Variants in MGAT4C observed in about 807,000 individuals in gnomAD.
MGAT4C encodes alpha-1,3-mannosyl-glycoprotein 4-beta-N-acetylglucosaminyltransferase C.
MGAT4C carries 19 observed loss-of-function variants against 40.1 expected under a neutral mutation model. The ratio of observed to expected loss-of-function variants is 0.47; its 90% CI spans 0.33 to 0.70. The LOEUF (loss-of-function observed/expected upper bound fraction) is 0.70, where lower values mean the gene tolerates loss of function less well. MGAT4C is among the 30% of genes least tolerant of loss of function. MGAT4C has a pLI of 0.02. For synonymous variants in MGAT4C, 181 were observed against 187.1 expected (o/e 0.97, Z 0.27); for missense variants, 491 against 563.2 (o/e 0.87, Z 1.30).
At chr12:86,551,605 C>T (rs529665174) in intron 2 of MGAT4C, among the ~76,000 whole-genome samples, 13 of 152,242 alleles carry the variant, frequency 8.5e-5, no homozygotes, top group African/African-American at 1.9e-4. Context: ...CAGACATGCA[C>T]GCAGGCCAGC....
At chr12:86,583,596 A>G (rs2136436575) in intron 2 of MGAT4C, among the ~76,000 whole-genome samples, 1 of 151,250 alleles carries the variant, frequency 6.6e-6, no homozygotes, top group African/African-American at 2.4e-5. Context: ...AAATGGTACC[A>G]CAAAGTTTAA....
At chr12:86,668,864 C>T (rs1216979517) in intron 2 of MGAT4C, among the ~76,000 whole-genome samples, 2 of 152,172 alleles carry the variant, frequency 1.3e-5, no homozygotes, top group African/African-American at 4.8e-5. Context: ...CAAGGCTGCT[C>T]CCCTTAGACT....
intron 2 of MGAT4C, among the ~76,000 whole-genome samples, chr12:86,705,546 T>A (rs1408680485): frequency 6.6e-6 from 1 of 151,988 alleles, no homozygotes; most frequent in African/African-American, 2.4e-5. Context: ...AAGAAAATAT[T>A]ATGAAAAGCA....
intron 1 of MGAT4C, among the ~76,000 whole-genome samples, chr12:86,151,398 G>A (rs1379845755): frequency 1.3e-5 from 2 of 152,016 alleles, no homozygotes; most frequent in African/African-American, 2.4e-5. Context: ...GGATCACGAC[G>A]TCAGGAGATC....
intron 1 of MGAT4C, among the ~76,000 whole-genome samples, chr12:86,157,714 T>C (rs980805397): frequency 6.6e-6 from 1 of 152,020 alleles, no homozygotes; most frequent in Non-Finnish European, 1.5e-5. Flanking sequence ...GAAAGACACA[T>C]CTTACATGGT....
chr12:86,181,703 C>T (rs1416516002), intron 1 of MGAT4C, among the ~76,000 whole-genome samples: 4 of 151,888 alleles, frequency 2.6e-5, no homozygotes, highest in South Asian at 4.1e-4. Context: ...ACAAAGAAAT[C>T]GATTGTGGAA....
At chr12:86,017,825 ATC>A (rs1889249867) in intron 2 of MGAT4C, among the ~76,000 whole-genome samples, 2 of 152,184 alleles carry the variant, frequency 1.3e-5, no homozygotes, top group Admixed American at 1.3e-4. Context: ...AACACAATGA[ATC>A]TCTATTATTT....
At chr12:86,808,623 C>T (rs1952409377) in intron 1 of MGAT4C, among the ~76,000 whole-genome samples, 1 of 151,906 alleles carries the variant, frequency 6.6e-6, no homozygotes, top group Non-Finnish European at 1.5e-5. Context: ...ATTTAAGAAA[C>T]ATACCTCAAT....
intron 2 of MGAT4C, among the ~76,000 whole-genome samples, chr12:86,459,251 A>T (rs1957555839): frequency 6.6e-6 from 1 of 152,166 alleles, no homozygotes; most frequent in Non-Finnish European, 1.5e-5. Context: ...TCCTGGTGTG[A>T]CACACTGTAT....
chr12:86,067,421 G>A (rs1297896508), intron 1 of MGAT4C, among the ~76,000 whole-genome samples: 2 of 152,100 alleles, frequency 1.3e-5, no homozygotes, highest in Non-Finnish European at 2.9e-5. Flanking sequence ...CATGGATGAA[G>A]CTGGAAACCA....
intron 2 of MGAT4C, among the ~76,000 whole-genome samples, chr12:86,648,053 T>A (rs762634863): frequency 5.3e-5 from 8 of 151,952 alleles, no homozygotes; most frequent in Non-Finnish European, 1.0e-4. Flanking sequence ...AAATCCTTAT[T>A]CAATGAATAA....
At chr12:86,457,578 C>A (rs1957529873) in intron 2 of MGAT4C, among the ~76,000 whole-genome samples, 1 of 151,930 alleles carries the variant, frequency 6.6e-6, no homozygotes, top group African/African-American at 2.4e-5. Flanking sequence ...ATGCTGGAGA[C>A]TTTTTCATGT....
At chr12:86,203,325 A>G (rs1950119143) in intron 1 of MGAT4C, among the ~76,000 whole-genome samples, 3 of 152,152 alleles carry the variant, frequency 2.0e-5, no homozygotes, top group Admixed American at 6.6e-5. Flanking sequence ...CTAGAACTCT[A>G]ATGGCTCCAG....
At chr12:86,401,143 T>G (rs1202940301) in intron 3 of MGAT4C, among the ~76,000 whole-genome samples, 1 of 152,038 alleles carries the variant, frequency 6.6e-6, no homozygotes, top group East Asian at 1.9e-4. Flanking sequence ...ACTTAAATAT[T>G]TTTGAACTCA....
intron 1 of MGAT4C, among the ~76,000 whole-genome samples, chr12:86,762,772 T>C (rs1951430403): frequency 6.6e-6 from 1 of 152,182 alleles, no homozygotes; most frequent in Non-Finnish European, 1.5e-5. Context: ...AATAAACACA[T>C]TTTGAAAGTA....
chr12:86,368,367 T>C (rs770392958), intron 3 of MGAT4C, among the ~76,000 whole-genome samples: 7 of 152,276 alleles, frequency 4.6e-5, no homozygotes, highest in Non-Finnish European at 5.9e-5. Flanking sequence ...AATTTTTTTC[T>C]ATTGATTTTC....
Position 86,186,393 on chromosome 12 carries a change from TC to T in MGAT4C, c.-57+69845del, listed in dbSNP as rs1210803432. 3.9e-5 allele frequency among the ~76,000 whole-genome samples: 6 copies of T among 152,148 alleles called. 1 individual carries two copies. Among genetic ancestry groups the T allele is most frequent in the Non-Finnish European group, 8.8e-5 (6 of 68,014 alleles). On this transcript the variant is annotated intron_variant, in intron 1 of 4. Transcript: ENST00000611864. ...CTGAGTTTAAATCATTCACATGGTG[TC>T]CGTGGCTTTCAGAGAATTGTTGTGA...
intron 3 of MGAT4C, among the ~76,000 whole-genome samples, chr12:86,350,736 T>C (rs558508578): frequency 7.2e-5 from 11 of 152,150 alleles, no homozygotes; most frequent in Non-Finnish European, 1.6e-4. Flanking sequence ...AAAAATCTCT[T>C]CAAATATTTG....
At chr12:86,631,943 G>A (rs539695953) in intron 2 of MGAT4C, among the ~76,000 whole-genome samples, 16 of 152,154 alleles carry the variant, frequency 1.1e-4, no homozygotes, top group Admixed American at 5.2e-4. Context: ...CACAGCAACA[G>A]AATCGACCAT....
Sources: gnomAD v4.1 joint callset for allele counts (sites outside exome capture counted in the v4.1 genomes callset) on GRCh38, gnomAD v4.1.1 for gene constraint, MANE v1.5 for transcripts, NCBI Gene and HGNC (gene_info 2026-07-23, HGNC 2026-07-21) for gene names.